Variants in SUMF1 observed in about 807,000 individuals in gnomAD.
SUMF1 encodes formylglycine-generating enzyme.
In SUMF1, 48 loss-of-function variants were observed where a neutral mutation model predicts 47.6. The observed-to-expected ratio is 1.01, with a 90% confidence interval of 0.80 to 1.28. The LOEUF (loss-of-function observed/expected upper bound fraction) is 1.28, where lower values mean the gene tolerates loss of function less well. SUMF1 is among the 50% of genes most tolerant of loss of function. The pLI is 0.00. For synonymous variants in SUMF1, 230 were observed against 192.1 expected (o/e 1.20, Z -1.63); for missense variants, 571 against 485.4 (o/e 1.18, Z -1.66).
intron 6 of SUMF1, among the ~76,000 whole-genome samples, chr3:4,412,007 C>G (rs1054318044): frequency 6.6e-6 from 1 of 152,154 alleles, no homozygotes; most frequent in Non-Finnish European, 1.5e-5. Context: ...ATGGAAGCAT[C>G]TGATGCTTGG....
At chr3:4,422,564 G>A (rs9822292) in intron 3 of SUMF1, among the ~76,000 whole-genome samples, 48,628 of 151,150 alleles carry the variant, frequency 0.32, 8,224 homozygotes, top group East Asian at 0.58. Context: ...TCCAGTTTGG[G>A]GCTATTATGA....
rs1697355844 is a variant in SUMF1 at position 4,273,782 on chromosome 3, G to C, written c.1014+102548C>G. 2.9e-5 allele frequency among the ~76,000 whole-genome samples: 3 copies of C among 104,746 alleles called. 1 individual carries two copies. The highest frequency in any genetic ancestry group is 1.1e-4 in the African/African-American group (3 of 26,772). 68.7% of individuals were successfully genotyped at this position (104,746 alleles called of 152,430 possible). ...GGGAGGGGAGGATACGGGAGGGGAG[G>C]ATACGGGAGGGGAGGGCATGGGAGG... On this transcript the variant is annotated intron_variant and NMD_transcript_variant, in intron 8 of 12. Transcript: ENST00000448413.
chr3:4,241,954 T>C (rs926453834), intron 8 of SUMF1, among the ~76,000 whole-genome samples: 2 of 152,148 alleles, frequency 1.3e-5, no homozygotes, highest in African/African-American at 4.8e-5. Context: ...CTTCTTACTA[T>C]GCAAATGGGC....
At chr3:4,237,568 C>T (rs1307488564) in intron 8 of SUMF1, among the ~76,000 whole-genome samples, 1 of 151,914 alleles carries the variant, frequency 6.6e-6, no homozygotes, top group Non-Finnish European at 1.5e-5. Flanking sequence ...ATTTTTCTCC[C>T]AGTCTGTCAC....
At chr3:4,120,221 C>T (rs958987040) in intron 8 of SUMF1, among the ~76,000 whole-genome samples, 1 of 152,042 alleles carries the variant, frequency 6.6e-6, no homozygotes, top group African/African-American at 2.4e-5. Context: ...CTTTCTGAAA[C>T]CAAAAGCCAT....
chr3:4,436,082 G>A (rs1702386569), intron 3 of SUMF1, among the ~76,000 whole-genome samples: 2 of 152,146 alleles, frequency 1.3e-5, no homozygotes, highest in Admixed American at 6.5e-5. Flanking sequence ...AGGAGTTTGA[G>A]ACCAGCCTGG....
At chr3:4,105,163 T>G (rs1210700736) in intron 8 of SUMF1, among the ~76,000 whole-genome samples, 1 of 152,036 alleles carries the variant, frequency 6.6e-6, no homozygotes, top group Non-Finnish European at 1.5e-5. Context: ...CTCACTTACA[T>G]GTGGAATCTA....
downstream of SUMF1, among the ~76,000 whole-genome samples, chr3:4,358,667 T>C (rs1361617811): frequency 2.6e-5 from 4 of 152,218 alleles, no homozygotes; most frequent in Admixed American, 1.3e-4. Context: ...TAGTGATTTA[T>C]TTAGTGGCTT....
rs146577184 is a variant in SUMF1, at chr3:4,425,077, C to A, written c.520-4931G>T. Among the ~76,000 whole-genome samples the A allele has an allele frequency of 1.2e-3, 186 of 152,268 alleles. 1 individual carries two copies. The highest frequency in any genetic ancestry group is 4.3e-3 in the African/African-American group (179 of 41,564). On this transcript the variant is annotated intron_variant, in intron 3 of 8. Coordinates refer to ENST00000272902, the MANE Select transcript of SUMF1 (RefSeq NM_182760.4). ...ATTGCTAAATGTCCTCTGAGGAGAG[C>A]AAATTATCTACTGTATTATGATAAT... is the stretch of plus-strand genomic sequence containing the variant.
Position 4,053,623 on chromosome 3 carries a change from C to G in SUMF1, c.1191+14946G>C, listed in dbSNP as rs1441786921. ...GGTCCAGAATCCCAGAATCTTTTCT[C>G]CCCCTAAAGAACCTCCACTGCCCTC... On this transcript the variant is annotated intron_variant and NMD_transcript_variant, in intron 9 of 12. Transcript: ENST00000448413. 2.6e-5 allele frequency among the ~76,000 whole-genome samples: 4 copies of G among 152,244 alleles called. No homozygotes were observed. In the East Asian group the frequency reaches 7.7e-4, roughly 29 times the overall value.
intron 9 of SUMF1, among the ~76,000 whole-genome samples, chr3:4,062,830 G>A (rs1039120699): frequency 1.3e-5 from 2 of 152,010 alleles, no homozygotes; most frequent in Non-Finnish European, 2.9e-5. Context: ...TACATTTTTG[G>A]GAAAGAAACC....
chr3:4,086,931 A>G (rs1182902680), intron 8 of SUMF1, among the ~76,000 whole-genome samples: 3 of 152,088 alleles, frequency 2.0e-5, no homozygotes, highest in African/African-American at 7.2e-5. Flanking sequence ...GCCATGTGGA[A>G]CTGTGAATCC....
chr3:4,177,151 AT>A (rs1694984565), intron 8 of SUMF1, among the ~76,000 whole-genome samples: 1 of 152,194 alleles, frequency 6.6e-6, no homozygotes, highest in Non-Finnish European at 1.5e-5. Flanking sequence ...GTTAACAAGG[AT>A]ACCCAGGACC....
intron 8 of SUMF1, among the ~76,000 whole-genome samples, chr3:4,284,362 G>A (rs992922353): frequency 5.3e-5 from 8 of 150,664 alleles, no homozygotes; most frequent in African/African-American, 1.5e-4. Context: ...GCAGTGAGCT[G>A]TGATCAAGCA....
At chr3:4,401,374 C>T (rs1701206759) in intron 7 of SUMF1, among the ~76,000 whole-genome samples, 1 of 152,138 alleles carries the variant, frequency 6.6e-6, no homozygotes, top group Admixed American at 6.5e-5. Flanking sequence ...GTTCTAGATC[C>T]TTGAGGAATT....
intron 8 of SUMF1, among the ~76,000 whole-genome samples, chr3:4,338,078 A>C (rs1391698024): frequency 6.6e-6 from 1 of 152,194 alleles, no homozygotes; most frequent in African/African-American, 2.4e-5. Context: ...AATTTTGACA[A>C]CTAAATTATT....
chr3:4,400,563 A>C lies in SUMF1; in HGVS notation c.954+10302T>G, dbSNP rs992679834. ...ACTAAACAACAAGAGGCAATGCTGAAGGGGAAAGGATTTTCCAAAGGGAGA... is the reference window on the plus strand; with the variant it reads ...ACTAAACAACAAGAGGCAATGCTGACGGGGAAAGGATTTTCCAAAGGGAGA... On this transcript the variant is annotated intron_variant, in intron 7 of 8. Transcript: ENST00000272902. Among the ~76,000 whole-genome samples the C allele has an allele frequency of 5.3e-5, 8 of 152,356 alleles. 1 individual carries two copies. The South Asian group carries it at 1.4e-3, about 28-fold the overall frequency.
chr3:4,178,165 G>C (rs535802124), intron 8 of SUMF1, among the ~76,000 whole-genome samples: 3 of 152,302 alleles, frequency 2.0e-5, no homozygotes, highest in African/African-American at 7.2e-5. Flanking sequence ...AATAGAAAAA[G>C]AGGGAATCCT....
intron 8 of SUMF1, among the ~76,000 whole-genome samples, chr3:4,107,476 G>GA (rs1325968412): frequency 1.3e-5 from 2 of 152,066 alleles, no homozygotes; most frequent in Non-Finnish European, 2.9e-5. Context: ...CATGGTTTCT[G>GA]ACTCATCATT....
Sources: gnomAD v4.1 joint callset for allele counts (sites outside exome capture counted in the v4.1 genomes callset) on GRCh38, gnomAD v4.1.1 for gene constraint, MANE v1.5 for transcripts, NCBI Gene and HGNC (gene_info 2026-07-23, HGNC 2026-07-21) for gene names.